The following GALNT14 variants were observed in gnomAD, a reference collection of about 807,000 sequenced individuals.
The protein encoded by GALNT14 is polypeptide N-acetylgalactosaminyltransferase 14, also known as UDP-GalNAc:polypeptide N-acetylgalactosaminyltransferase 14.
Under a neutral mutation model 77.5 loss-of-function variants are expected in GALNT14, and 60 were observed. That is an observed-to-expected ratio of 0.77 (90% CI 0.63 to 0.96). The LOEUF (loss-of-function observed/expected upper bound fraction) is 0.96. GALNT14 is among the 40% of genes least tolerant of loss of function. GALNT14 has a pLI of 0.00. For missense variants in GALNT14, 710 were observed against 731.0 expected, an observed-to-expected ratio of 0.97 and a Z score of 0.33; for synonymous variants, 280 against 281.7, an observed-to-expected ratio of 0.99 and a Z score of 0.06.
At chr2:30,946,034 T>C (rs1174641754) in intron 6 of GALNT14, among the ~76,000 whole-genome samples, 164 bp from the exon 7 acceptor site, 1 of 152,170 alleles carries the variant, frequency 6.6e-6, no homozygotes, top group Admixed American at 6.5e-5. Context: ...AAGGGGGTAC[T>C]GGGCAATGGG....
At chr2:31,103,069 C>A (rs1237292638) in intron 1 of GALNT14, among the ~76,000 whole-genome samples, 3 of 151,982 alleles carry the variant, frequency 2.0e-5, no homozygotes, top group African/African-American at 7.2e-5. Context: ...GGTGTGCGAT[C>A]CTTTCTGAAA....
intron 1 of GALNT14, among the ~76,000 whole-genome samples, chr2:31,056,262 GTGAT>G (rs1674200254): frequency 6.6e-6 from 1 of 152,212 alleles, no homozygotes; most frequent in Non-Finnish European, 1.5e-5. Flanking sequence ...CAAGTTGAAG[GTGAT>G]CATCTTCTGG....
At chr2:30,997,990 T>C (rs989258161) in intron 1 of GALNT14, among the ~76,000 whole-genome samples, 1 of 152,092 alleles carries the variant, frequency 6.6e-6, no homozygotes, top group African/African-American at 2.4e-5. Context: ...TGAGTTTGAC[T>C]TTTTTTAGGC....
At chr2:30,926,441 G>A (rs1424008794) in intron 11 of GALNT14, among the ~76,000 whole-genome samples, 1 of 152,166 alleles carries the variant, frequency 6.6e-6, no homozygotes. Flanking sequence ...TTGAGTTGGA[G>A]GTACCAGGGA....
chr2:31,055,904 C>T (rs1674180365), intron 1 of GALNT14, among the ~76,000 whole-genome samples: 1 of 152,220 alleles, frequency 6.6e-6, no homozygotes, highest in Non-Finnish European at 1.5e-5. Flanking sequence ...CTAGACAGCG[C>T]TAATAGCAAT....
At chr2:31,027,294 T>C (rs7558425) in intron 1 of GALNT14, among the ~76,000 whole-genome samples, 59,436 of 152,010 alleles carry the variant, frequency 0.39, 11,841 homozygotes, top group East Asian at 0.56. Context: ...TAGCCGGGCA[T>C]GGTGGCACAT....
intron 1 of GALNT14, among the ~76,000 whole-genome samples, chr2:31,054,045 C>T (rs1393864207): frequency 1.3e-5 from 2 of 152,190 alleles, no homozygotes; most frequent in African/African-American, 4.8e-5. Context: ...CTCCTCTGTG[C>T]CAGGCACTGA....
intron 1 of GALNT14, chr2:31,125,337 C>T (rs890137442): frequency 3.1e-6 from 3 of 958,390 alleles, no homozygotes; most frequent in African/African-American, 3.2e-5. Context: ...GATCTTACCC[C>T]TCACAAAGAC....
downstream of GALNT14, among the ~76,000 whole-genome samples, chr2:30,909,306 CTCA>C (rs1664239953): frequency 6.6e-6 from 1 of 150,870 alleles, no homozygotes; most frequent in Non-Finnish European, 1.5e-5. Context: ...TCGCAACCTA[CTCA>C]TCTGACAAAG....
downstream of GALNT14, among the ~76,000 whole-genome samples, chr2:30,905,874 C>T (rs1664128791): frequency 6.6e-6 from 1 of 151,972 alleles, no homozygotes; most frequent in African/African-American, 2.4e-5. Context: ...CGGCAGAAAC[C>T]CTACAAGCCA....
downstream of GALNT14, among the ~76,000 whole-genome samples, chr2:30,908,239 G>C (rs1664197302): frequency 6.6e-6 from 1 of 151,854 alleles, no homozygotes; most frequent in Admixed American, 6.6e-5. Flanking sequence ...GGAAATAAAG[G>C]GTATTCAATT....
chr2:30,997,295 G>T (rs1670094605), intron 1 of GALNT14, among the ~76,000 whole-genome samples: 1 of 152,172 alleles, frequency 6.6e-6, no homozygotes, highest in Admixed American at 6.5e-5. Flanking sequence ...GCCACAGGAG[G>T]GCACAGTGTG....
chr2:31,078,796 G>A, intron 1 of GALNT14: 1 of 600,974 alleles, frequency 1.7e-6, no homozygotes, highest in Non-Finnish European at 2.6e-6. Flanking sequence ...TCCGAGAACA[G>A]CACAGGCACA....
chr2:31,109,822 C>T (rs1460156438), intron 1 of GALNT14, among the ~76,000 whole-genome samples: 1 of 152,130 alleles, frequency 6.6e-6, no homozygotes, highest in East Asian at 1.9e-4. Context: ...CGCGCCAGGA[C>T]AAGATGAGAT....
chr2:31,078,598 A>C (rs575260032), intron 1 of GALNT14, among the ~76,000 whole-genome samples: 2 of 152,198 alleles, frequency 1.3e-5, no homozygotes, highest in African/African-American at 4.8e-5. Context: ...GATCAAATCA[A>C]TCCCATTCAC....
At chr2:31,090,092 T>G (rs1429570176) in intron 1 of GALNT14, among the ~76,000 whole-genome samples, 4 of 152,126 alleles carry the variant, frequency 2.6e-5, no homozygotes, top group Non-Finnish European at 5.9e-5. Context: ...AGGGCTCCGA[T>G]CCACCCTCCC....
At chr2:30,978,044 C>G (rs80339118) in intron 2 of GALNT14, among the ~76,000 whole-genome samples, 3,566 of 152,274 alleles carry the variant, frequency 0.023, 145 homozygotes, top group East Asian at 0.21. Flanking sequence ...GAGCCACCTG[C>G]AGTTAAACCT....
chr2:31,018,692 A>G (rs139466701), intron 1 of GALNT14, among the ~76,000 whole-genome samples: 171 of 152,310 alleles, frequency 1.1e-3, no homozygotes, highest in African/African-American at 3.9e-3. Context: ...GACAAATGAC[A>G]TCTGGAAAAG....
intron 1 of GALNT14, among the ~76,000 whole-genome samples, chr2:31,026,330 C>G (rs1250133431): frequency 1.3e-5 from 2 of 152,200 alleles, no homozygotes; most frequent in Non-Finnish European, 1.5e-5. Flanking sequence ...TATTATCCTT[C>G]TTAGTCTTAG....
Sources: allele counts gnomAD v4.1 joint callset (sites outside exome capture counted in the v4.1 genomes callset), GRCh38; gene constraint gnomAD v4.1.1; transcripts MANE v1.5; gene names NCBI Gene and HGNC (gene_info 2026-07-23, HGNC 2026-07-21).